The following NOS1AP variants were observed in gnomAD, a reference collection of about 807,000 sequenced individuals.
NOS1AP encodes carboxyl-terminal PDZ ligand of neuronal nitric oxide synthase protein.
In NOS1AP, 21 loss-of-function variants were observed where a neutral mutation model predicts 56.2. That is an observed-to-expected ratio of 0.37 (90% confidence interval 0.26 to 0.54). The LOEUF is 0.54. Ranked by LOEUF, NOS1AP falls within the 20% of genes least tolerant of loss-of-function variation. The pLI is 0.84. For synonymous variants in NOS1AP, 270 were observed against 274.6 expected (o/e 0.98, Z 0.17); for missense variants, 522 against 657.8 (o/e 0.79, Z 2.26).
intron 2 of NOS1AP, among the ~76,000 whole-genome samples, chr1:162,160,267 G>A (rs753344521): frequency 6.6e-6 from 1 of 152,124 alleles, no homozygotes; most frequent in African/African-American, 2.4e-5. Context: ...ACTCTGGAGT[G>A]GTGTTGGTCT....
chr1:162,118,334 T>G (rs985365636), intron 1 of NOS1AP, among the ~76,000 whole-genome samples: 22 of 152,228 alleles, frequency 1.4e-4, no homozygotes, highest in African/African-American at 5.3e-4. Context: ...AGCTCCCACT[T>G]ATAAGCGAGA....
At position 162,299,714 on chromosome 1, in the gene NOS1AP, A is replaced by T. The variant is rs901105589; in HGVS notation, c.271-919A>T. On this transcript the variant is annotated intron_variant, in intron 3 of 9. Transcript: ENST00000361897. ...ACCAGTCTAAAATCCACCTCTATGG[A>T]TCATATTGGTGTTTAATCAAAATTC... Among the ~76,000 whole-genome samples the T allele has an allele frequency of 2.0e-5, 3 of 152,114 alleles. No homozygotes were observed. In the South Asian group the frequency reaches 6.2e-4, roughly 32 times the overall value.
At chr1:162,312,760 C>G (rs897906319) in intron 4 of NOS1AP, among the ~76,000 whole-genome samples, 5 of 152,068 alleles carry the variant, frequency 3.3e-5, no homozygotes, top group African/African-American at 1.2e-4. Flanking sequence ...AATCCAGCAG[C>G]ACGTCAAAAA....
chr1:162,335,936 C>A (rs1656927353), intron 5 of NOS1AP, among the ~76,000 whole-genome samples: 2 of 152,162 alleles, frequency 1.3e-5, no homozygotes, highest in African/African-American at 4.8e-5. Flanking sequence ...AGCTATTACT[C>A]TGTACCTATG....
intron 1 of NOS1AP, among the ~76,000 whole-genome samples, chr1:162,148,408 G>T (rs764263843): frequency 6.6e-6 from 1 of 152,208 alleles, no homozygotes; most frequent in Non-Finnish European, 1.5e-5. Context: ...CTCTCTAAGG[G>T]TATCTCACCT....
chr1:162,087,289 C>T (rs1570998933), intron 1 of NOS1AP, among the ~76,000 whole-genome samples: 1 of 152,090 alleles, frequency 6.6e-6, no homozygotes, highest in East Asian at 1.9e-4. Context: ...AAAAATATGT[C>T]TGAAGCATAC....
chr1:162,272,726 A>G (rs936517174), intron 2 of NOS1AP, among the ~76,000 whole-genome samples: 3 of 152,152 alleles, frequency 2.0e-5, no homozygotes, highest in Non-Finnish European at 4.4e-5. Context: ...TCAGAAACCA[A>G]CAAAGTAGTT....
At chr1:162,321,059 T>C (rs1004984611) in intron 4 of NOS1AP, among the ~76,000 whole-genome samples, 1 of 152,062 alleles carries the variant, frequency 6.6e-6, no homozygotes, top group East Asian at 1.9e-4. Flanking sequence ...TGTTTATGGT[T>C]TTGGGTCTAA....
intron 2 of NOS1AP, among the ~76,000 whole-genome samples, chr1:162,281,892 G>A (rs867318396): frequency 1.3e-5 from 2 of 152,166 alleles, no homozygotes; most frequent in Non-Finnish European, 1.5e-5. Context: ...AGGCTGGGGC[G>A]GGCAGATCAC....
At chr1:162,187,533 A>C (rs1557825255) in intron 2 of NOS1AP, among the ~76,000 whole-genome samples, 1 of 152,186 alleles carries the variant, frequency 6.6e-6, no homozygotes, top group Non-Finnish European at 1.5e-5. Flanking sequence ...TTTTGCACCC[A>C]AGGGTATGGA....
intron 5 of NOS1AP, among the ~76,000 whole-genome samples, chr1:162,335,196 C>T (rs1049217619): frequency 5.3e-5 from 8 of 152,206 alleles, no homozygotes; most frequent in African/African-American, 1.7e-4. Context: ...TTTCCTGTTT[C>T]CTATACCGCT....
At chr1:162,226,965 A>C (rs1321553899) in intron 2 of NOS1AP, among the ~76,000 whole-genome samples, 1 of 151,992 alleles carries the variant, frequency 6.6e-6, no homozygotes, top group Non-Finnish European at 1.5e-5. Flanking sequence ...TAAGGGGGAC[A>C]GGGAAGAATA....
intron 2 of NOS1AP, among the ~76,000 whole-genome samples, chr1:162,220,839 G>T (rs1303050890): frequency 6.6e-6 from 1 of 152,104 alleles, no homozygotes; most frequent in East Asian, 1.9e-4. Context: ...AAGTTCATAT[G>T]ATCTACCATA....
intron 2 of NOS1AP, among the ~76,000 whole-genome samples, chr1:162,159,816 A>G (rs997381020): frequency 6.6e-6 from 1 of 152,234 alleles, no homozygotes; most frequent in African/African-American, 2.4e-5. Context: ...GGGAAGGAAG[A>G]CAGCTGCACT....
intron 2 of NOS1AP, among the ~76,000 whole-genome samples, chr1:162,218,605 G>A (rs1044314653): frequency 1.3e-5 from 2 of 152,194 alleles, no homozygotes; most frequent in African/African-American, 2.4e-5. Context: ...TGGTCTCCAA[G>A]GGAGATGATC....
chr1:162,095,952 A>T (rs1692231354), intron 1 of NOS1AP, among the ~76,000 whole-genome samples: 1 of 152,180 alleles, frequency 6.6e-6, no homozygotes, highest in Non-Finnish European at 1.5e-5. Flanking sequence ...AGTTTCTCTG[A>T]GCTTGCTTTT....
intron 1 of NOS1AP, among the ~76,000 whole-genome samples, chr1:162,105,844 C>T (rs1392050188): frequency 6.6e-6 from 1 of 152,240 alleles, no homozygotes; most frequent in African/African-American, 2.4e-5. Context: ...ATGACTCCAG[C>T]CTGCTGCCAC....
intron 1 of NOS1AP, among the ~76,000 whole-genome samples, chr1:162,123,951 C>A (rs1323323191): frequency 2.0e-5 from 3 of 152,032 alleles, no homozygotes; most frequent in Non-Finnish European, 4.4e-5. Flanking sequence ...TGAGGCAATA[C>A]CATTATCTTC....
chr1:162,311,351 T>C (rs573213883), intron 4 of NOS1AP, among the ~76,000 whole-genome samples: 8 of 152,314 alleles, frequency 5.3e-5, no homozygotes, highest in Admixed American at 5.2e-4. Flanking sequence ...TTATCTTTCC[T>C]GAAGGGAAAG....
Sources: gnomAD v4.1 joint callset for allele counts (sites outside exome capture counted in the v4.1 genomes callset) on GRCh38, gnomAD v4.1.1 for gene constraint, MANE v1.5 for transcripts, NCBI Gene and HGNC (gene_info 2026-07-23, HGNC 2026-07-21) for gene names.